NEGR1: variants seen among roughly 807,000 people sequenced by gnomAD.
NEGR1 encodes the protein IgLON family member 4.
NEGR1 carries 10 observed loss-of-function variants against 40.9 expected under a neutral mutation model. The observed-to-expected ratio is 0.24, with a 90% confidence interval of 0.15 to 0.42. The LOEUF is 0.42. NEGR1 is among the 10% of genes least tolerant of loss of function. The probability of loss-of-function intolerance (pLI) is 1.00; values close to 1 mark genes in which losing one functional copy is unlikely to be tolerated. For synonymous variants in NEGR1, 185 were observed against 166.8 expected (o/e 1.11, Z -0.84); for missense variants, 352 against 438.9 (o/e 0.80, Z 1.77).
intron 2 of NEGR1, among the ~76,000 whole-genome samples, chr1:71,823,132 G>A (rs1025777979): frequency 1.5e-4 from 23 of 151,756 alleles, no homozygotes; most frequent in Non-Finnish European, 1.0e-4. Flanking sequence ...TGCATACTTC[G>A]GAATCAGGCT....
At chr1:72,001,526 T>G (rs1377598224) in intron 1 of NEGR1, among the ~76,000 whole-genome samples, 2 of 151,506 alleles carry the variant, frequency 1.3e-5, no homozygotes, top group African/African-American at 2.4e-5. Flanking sequence ...GATCCTGGCA[T>G]GTGAATATTT....
chr1:72,121,715 C>A (rs1302835843), intron 1 of NEGR1, among the ~76,000 whole-genome samples: 1 of 151,960 alleles, frequency 6.6e-6, no homozygotes, highest in Non-Finnish European at 1.5e-5. Flanking sequence ...AAGAAAATGA[C>A]TACACTGTGA....
At chr1:71,609,462 C>T (rs1299940393) in intron 5 of NEGR1, among the ~76,000 whole-genome samples, 3 of 129,380 alleles carry the variant, frequency 2.3e-5, no homozygotes, top group Admixed American at 9.6e-5. Flanking sequence ...TTGCAGTGAG[C>T]CGACATCACG....
chr1:72,276,021 A>G (rs1464321511), intron 1 of NEGR1, among the ~76,000 whole-genome samples: 1 of 152,074 alleles, frequency 6.6e-6, no homozygotes, highest in African/African-American at 2.4e-5. Context: ...ACTTGAGCCC[A>G]AGGATCTAGA....
chr1:71,679,370 A>G (rs1652754144), intron 4 of NEGR1, among the ~76,000 whole-genome samples: 1 of 152,164 alleles, frequency 6.6e-6, no homozygotes, highest in African/African-American at 2.4e-5. Context: ...TTTTCATATC[A>G]AAAATATAGT....
intron 1 of NEGR1, among the ~76,000 whole-genome samples, chr1:72,276,957 T>C (rs1656070652): frequency 1.3e-5 from 2 of 151,908 alleles, no homozygotes; most frequent in African/African-American, 2.4e-5. Flanking sequence ...TACTCCTAGG[T>C]TGAAGGAATA....
chr1:71,451,576 TC>T (rs767521777), intron 6 of NEGR1, among the ~76,000 whole-genome samples: 11 of 152,060 alleles, frequency 7.2e-5, no homozygotes, highest in East Asian at 3.9e-4. Context: ...CCTCAGGTGA[TC>T]CCCCCACCTC....
chr1:71,478,323 G>C (rs1646834679), intron 6 of NEGR1, among the ~76,000 whole-genome samples: 3 of 152,108 alleles, frequency 2.0e-5, no homozygotes, highest in Middle Eastern at 6.8e-3. Flanking sequence ...TGAAATTTAA[G>C]GCATTTTATG....
chr1:71,998,430 T>C (rs764349778), intron 1 of NEGR1, among the ~76,000 whole-genome samples: 7 of 151,942 alleles, frequency 4.6e-5, no homozygotes, highest in Non-Finnish European at 7.4e-5. Flanking sequence ...GGCATAGACT[T>C]CAAGACCTTT....
intron 1 of NEGR1, among the ~76,000 whole-genome samples, chr1:72,130,347 C>T (rs1256257864): frequency 6.6e-6 from 1 of 152,110 alleles, no homozygotes; most frequent in African/African-American, 2.4e-5. Flanking sequence ...TATAAATGAG[C>T]CCCTGCCCTG....
chr1:71,547,312 C>CA lies in NEGR1; in HGVS notation c.940+45504dup, dbSNP rs554820588. Among the ~76,000 whole-genome samples the CA allele has an allele frequency of 6.1e-4, 93 of 151,826 alleles. No individual in the cohort carries two copies. The South Asian group carries it at 0.019, about 31-fold the overall frequency. On this transcript the variant is annotated intron_variant, in intron 6 of 6. Coordinates refer to ENST00000357731, the MANE Select transcript of NEGR1 (RefSeq NM_173808.3). ...TCTAACTTGTTCATTTGTCAAGAGA[C>CA]AGAGACAATAGACTGGGAAGTATTT... is the stretch of plus-strand genomic sequence containing the variant.
intron 6 of NEGR1, among the ~76,000 whole-genome samples, chr1:71,462,336 AC>A (rs942865495): frequency 6.6e-6 from 1 of 152,114 alleles, no homozygotes; most frequent in Non-Finnish European, 1.5e-5. Context: ...AATTCAACAG[AC>A]CCTTTTAGAA....
chr1:72,101,775 T>G (rs763314917), intron 1 of NEGR1, among the ~76,000 whole-genome samples: 4 of 152,090 alleles, frequency 2.6e-5, no homozygotes, highest in Non-Finnish European at 5.9e-5. Flanking sequence ...CTAGGGCCAT[T>G]TGTAAACAAC....
In NEGR1 at chr1:71,868,833, C is replaced by G. The variant is rs1660195386; in HGVS notation, c.409+66246G>C. Among the ~76,000 whole-genome samples, 7 of 152,196 alleles carry G rather than the reference C, an allele frequency of 4.6e-5. 1 individual carries two copies. In the South Asian group the frequency reaches 1.2e-3, roughly 27 times the overall value. ...TCACTGACCTAATACTCTCTCTCCCCTTCCCACTTCCCACCTTCTCCCTCT... is the reference window on the plus strand; with the variant it reads ...TCACTGACCTAATACTCTCTCTCCCGTTCCCACTTCCCACCTTCTCCCTCT... On this transcript the variant is annotated intron_variant, in intron 2 of 6. Coordinates refer to ENST00000357731, the MANE Select transcript of NEGR1 (RefSeq NM_173808.3).
chr1:71,999,752 A>G (rs1280722615), intron 1 of NEGR1, among the ~76,000 whole-genome samples: 2 of 145,502 alleles, frequency 1.4e-5, no homozygotes, highest in Non-Finnish European at 3.0e-5. Context: ...ACATACATAC[A>G]TTTTACTTTG....
intron 1 of NEGR1, among the ~76,000 whole-genome samples, chr1:71,964,681 G>T (rs1368157307): frequency 6.6e-6 from 1 of 152,042 alleles, no homozygotes; most frequent in Non-Finnish European, 1.5e-5. Flanking sequence ...ATATGAAATG[G>T]TTGCTATTTT....
rs567122139 is a variant in NEGR1, at chr1:71,761,779, C to G, written c.535+14393G>C. 2.0e-5 allele frequency among the ~76,000 whole-genome samples: 3 copies of G among 151,854 alleles called. No individual in the cohort carries two copies. In the East Asian group the frequency reaches 5.8e-4, roughly 29 times the overall value. ...AAGGAAGACTAAGAGAATCAGTCTTCAGTTGAACTGCCATAAAAGAACGGC... is the reference window on the plus strand; with the variant it reads ...AAGGAAGACTAAGAGAATCAGTCTTGAGTTGAACTGCCATAAAAGAACGGC... On this transcript the variant is annotated intron_variant, in intron 3 of 6. Coordinates refer to ENST00000357731, the MANE Select transcript of NEGR1 (RefSeq NM_173808.3).
chr1:71,725,955 T>TA (rs1172229116), intron 3 of NEGR1, among the ~76,000 whole-genome samples: 2 of 152,112 alleles, frequency 1.3e-5, no homozygotes, highest in Admixed American at 6.6e-5. Flanking sequence ...TCAATCTGGT[T>TA]AAAAAAATTA....
chr1:72,026,110 C>CAAAAA lies in NEGR1; in HGVS notation c.177-90804_177-90800dup, dbSNP rs1172589239. Among the ~76,000 whole-genome samples, 240 of 31,150 alleles carry CAAAAA rather than the reference C, an allele frequency of 7.7e-3. 11 individuals carry two copies. The highest frequency in any genetic ancestry group is 8.9e-3 in the Non-Finnish European group (137 of 15,426). The allele number at this position is 31,150 out of a possible 152,430, so 20.4% of individuals were successfully genotyped here. On this transcript the variant is annotated intron_variant, in intron 1 of 6. Transcript: ENST00000357731. Reference sequence around the variant, plus strand: ...TGGGCGACAGAGCGAGACTCCGTCTCAAAAAAAAAAAAAAAAAAAAAAAAA... The same window carrying CAAAAA: ...TGGGCGACAGAGCGAGACTCCGTCTCAAAAAAAAAAAAAAAAAAAAAAAAAAAAAA...
Sources: allele counts gnomAD v4.1 joint callset (sites outside exome capture counted in the v4.1 genomes callset), GRCh38; gene constraint gnomAD v4.1.1; transcripts MANE v1.5; gene names NCBI Gene and HGNC (gene_info 2026-07-23, HGNC 2026-07-21).